The following PPEF1 variants were observed in gnomAD, a reference collection of about 807,000 sequenced individuals.
PPEF1 encodes the protein protein phosphatase with EF-hand domain 1.
A neutral mutation model predicts 53.3 loss-of-function variants in PPEF1; 12 were observed. The observed-to-expected ratio is 0.23, with a 90% CI of 0.14 to 0.36. PPEF1 has a LOEUF of 0.36. Among genes scored for constraint, PPEF1 ranks in the 10% least tolerant of loss-of-function variants. PPEF1 has a pLI of 1.00. For synonymous variants in PPEF1, 165 were observed against 176.7 expected (o/e 0.93, Z 0.52); for missense variants, 334 against 490.4 (o/e 0.68, Z 3.01).
chrX:18,803,320 G>T (rs746078261), intron 10 of PPEF1, among the ~76,000 whole-genome samples: 35 of 112,918 alleles, frequency 3.1e-4, no homozygotes, highest in Non-Finnish European at 5.8e-4. Flanking sequence ...GGCAGGCCAG[G>T]TGTTCCTTGC....
intron 1 of PPEF1, among the ~76,000 whole-genome samples, chrX:18,720,618 A>G (rs1486186455): frequency 9.0e-6 from 1 of 111,594 alleles, no homozygotes; most frequent in Non-Finnish European, 1.9e-5. Context: ...TTTCTTTCAA[A>G]AGAAAAAACC....
At chrX:18,751,881 A>G (rs770140191) in intron 4 of PPEF1, among the ~76,000 whole-genome samples, 26 of 112,666 alleles carry the variant, frequency 2.3e-4, no homozygotes, top group Non-Finnish European at 5.6e-5. Context: ...CCAGTACCAC[A>G]CTGTCTTGAT....
At chrX:18,747,980 A>G (rs1440185042) in intron 3 of PPEF1, among the ~76,000 whole-genome samples, 1 of 112,073 alleles carries the variant, frequency 8.9e-6, no homozygotes, top group Non-Finnish European at 1.9e-5. Flanking sequence ...TCCAAGAACG[A>G]CTACCAAATT....
rs756362115 is a variant in PPEF1 at position 18,701,534 on chromosome X, G to A, written c.-123+1099G>A. ...GAAACTGAGGTACAGGGGAATTAAT[G>A]ACTAAGAGTTCAAACTCCTGTTGTC... On this transcript the variant is annotated intron_variant, in intron 6 of 21. Coordinates refer to the PPEF1 transcript ENST00000361511. Among the ~76,000 whole-genome samples, 83 of 112,478 alleles carry A rather than the reference G, an allele frequency of 7.4e-4. 1 individual carries two copies. Among genetic ancestry groups the A allele is most frequent in the African/African-American group, 2.5e-3 (77 of 30,986 alleles).
intron 10 of PPEF1, among the ~76,000 whole-genome samples, chrX:18,791,141 C>G (rs761517113): frequency 1.3e-4 from 15 of 112,062 alleles, no homozygotes; most frequent in Non-Finnish European, 2.6e-4. Context: ...ATTACTGTAG[C>G]TTTGTGGGAA....
At chrX:18,734,588 T>C (rs1414297004) in intron 3 of PPEF1, among the ~76,000 whole-genome samples, 1 of 111,302 alleles carries the variant, frequency 9.0e-6, no homozygotes, top group South Asian at 3.8e-4. Flanking sequence ...GCAATAAACA[T>C]ACGTGTGCAT....
chrX:18,759,821 G>A (rs749446880), intron 5 of PPEF1, among the ~76,000 whole-genome samples: 3 of 111,902 alleles, frequency 2.7e-5, no homozygotes, highest in African/African-American at 9.7e-5. Flanking sequence ...GTTAATCTTG[G>A]TTGTGGGATT....
chrX:18,720,579 G>A (rs182259758), intron 1 of PPEF1, among the ~76,000 whole-genome samples: 4 of 110,101 alleles, frequency 3.6e-5, no homozygotes, highest in African/African-American at 1.3e-4. Flanking sequence ...GTGACAGAGT[G>A]AGACTCCGTC....
intron 13 of PPEF1, among the ~76,000 whole-genome samples, chrX:18,819,453 C>T (rs962954091): frequency 2.7e-5 from 3 of 111,432 alleles, no homozygotes; most frequent in African/African-American, 6.5e-5. Flanking sequence ...GAGATTGAGG[C>T]GGGCAGATCA....
At chrX:18,679,578 C>T (rs761326404), upstream of PPEF1, among the ~76,000 whole-genome samples, 9 of 112,044 alleles carry the variant, frequency 8.0e-5, no homozygotes, top group South Asian at 3.4e-3. Context: ...GCCACTATCA[C>T]ATTTTGCCTG....
At chrX:18,731,924 G>T (rs997647882) in intron 2 of PPEF1, among the ~76,000 whole-genome samples, 1 of 111,965 alleles carries the variant, frequency 8.9e-6, no homozygotes, top group Non-Finnish European at 1.9e-5. Flanking sequence ...GTCTCGCTCT[G>T]TCGCTGGGCT....
At chrX:18,804,132 C>T in intron 11 of PPEF1, 55 bp downstream of exon 11, 1 of 1,041,679 alleles carries the variant, frequency 9.6e-7, no homozygotes, top group South Asian at 2.0e-5. Context: ...TAAGCACAGT[C>T]TTTTCTTCAC....
At chrX:18,732,838 C>T (rs1281854978) in intron 2 of PPEF1, among the ~76,000 whole-genome samples, 1 of 112,099 alleles carries the variant, frequency 8.9e-6, no homozygotes, top group Admixed American at 9.5e-5. Context: ...TTCCACCTTT[C>T]CCTTCCTTTC....
chrX:18,707,361 A>G (rs1329973783), upstream of PPEF1, among the ~76,000 whole-genome samples: 1 of 110,674 alleles, frequency 9.0e-6, no homozygotes, highest in East Asian at 2.9e-4. Context: ...AAAATCGTAC[A>G]CTCTCATATT....
At chrX:18,696,254 G>A (rs1929710895) in intron 4 of PPEF1, among the ~76,000 whole-genome samples, 1 of 109,875 alleles carries the variant, frequency 9.1e-6, no homozygotes, top group African/African-American at 3.3e-5. Context: ...GCAGGCTCAA[G>A]TGATCCTCCT....
chrX:18,713,625 A>T (rs1232543797), intron 1 of PPEF1, among the ~76,000 whole-genome samples: 5 of 110,996 alleles, frequency 4.5e-5, no homozygotes, highest in Non-Finnish European at 9.4e-5. Flanking sequence ...TTATTCATAG[A>T]CAAACATTGT....
rs189337303 is a variant in PPEF1 at position 18,723,164 on chromosome X, T to C, written c.47-7017T>C. 2.6e-4 allele frequency among the ~76,000 whole-genome samples: 29 copies of C among 110,835 alleles called. No homozygotes were observed. The East Asian group carries it at 8.3e-3, about 32-fold the overall frequency. ...CATGCCCGGCTAATTTTTCTATTTT[T>C]AGTAGAGACGAGGTTTTGCCTTGTT... On this transcript the variant is annotated intron_variant, in intron 1 of 15. Transcript: ENST00000470157.
At chrX:18,696,825 G>A (rs939821448) in intron 4 of PPEF1, among the ~76,000 whole-genome samples, 1 of 111,227 alleles carries the variant, frequency 9.0e-6, no homozygotes, top group Admixed American at 9.5e-5. Flanking sequence ...TTGGTGCTAC[G>A]GGGCTTCGAG....
chrX:18,772,577 G>A lies in PPEF1; in HGVS notation c.559-6433G>A, dbSNP rs192115261. 4.7e-3 allele frequency among the ~76,000 whole-genome samples: 524 copies of A among 112,043 alleles called. 3 individuals are homozygous for A. Among genetic ancestry groups the A allele is most frequent in the South Asian group, 0.023 (61 of 2,689 alleles). ...GATTGGAATAGTTTCAGAAGGAATG[G>A]TACCAGCTCCTCTTTGTACCTCTGG... On this transcript the variant is annotated intron_variant, in intron 6 of 15. Transcript: ENST00000470157.
Sources: allele counts gnomAD v4.1 joint callset (sites outside exome capture counted in the v4.1 genomes callset), GRCh38; gene constraint gnomAD v4.1.1; transcripts MANE v1.5; gene names NCBI Gene and HGNC (gene_info 2026-07-23, HGNC 2026-07-21).